Variants in CD109 observed in about 807,000 individuals in gnomAD.
The protein encoded by CD109 is CD109 antigen.
Under a neutral mutation model 165.8 loss-of-function variants are expected in CD109, and 149 were observed. The observed-to-expected ratio is 0.90, with a 90% CI of 0.79 to 1.03. CD109 has a LOEUF of 1.03. Among genes scored for constraint, CD109 ranks in the 50% least tolerant of loss-of-function variants. CD109 has a pLI of 0.00. For synonymous variants in CD109, 585 were observed against 592.1 expected (o/e 0.99, Z 0.18); for missense variants, 1,712 against 1,677.8 (o/e 1.02, Z -0.36).
At position 73,792,779 on chromosome 6, in the gene CD109, A is replaced by G. The variant is rs1775021453; in HGVS notation, c.2855A>G (p.Lys952Arg). ...KKQLTDNLKEKALSFMRQGYQ... is the reference protein window; with the variant it reads ...KKQLTDNLKERALSFMRQGYQ... The stretch of plus-strand genomic sequence containing the variant: ...CAACTGACAGATAATTTGAAAGAAA[A>G]AGCTCTTTCATTTATGAGGCAAGGT... Residue 952 changes from lysine to arginine, a missense_variant, in exon 23 of 33, where the codon AAA becomes AGA. Transcript: ENST00000287097. The G allele has an allele frequency of 6.2e-7, 1 of 1,609,486 alleles. No individual in the cohort carries two copies. The highest frequency in any genetic ancestry group is 1.3e-5 in the African/African-American group (1 of 74,666).
Position 73,810,097 on chromosome 6 carries a change from C to T in CD109, c.3469C>T (p.Gln1157Ter), listed in dbSNP as rs951236972. Residue 1157 changes from glutamine to a stop codon, truncating the protein, a stop_gained, in exon 27 of 33, where the codon CAG (glutamine) becomes TAG (stop). Coordinates refer to ENST00000287097, the MANE Select transcript of CD109 (RefSeq NM_133493.5). LOFTEE classifies it high-confidence loss of function. ...YALLSHFLQF[Q>*]TSEGIPIMRW... is the part of the protein sequence containing the mutation. ...ACTGCTCTCACACTTCTTACAATTT[C>T]AGACTTCTGAGGGAATCCCAATTAT... 1.9e-6 allele frequency: 3 copies of T among 1,610,448 alleles called. No homozygotes were observed. Among genetic ancestry groups the T allele is most frequent in the Admixed American group, 3.4e-5 (2 of 58,822 alleles).
At chr6:73,743,901 G>A (rs890287625) in intron 5 of CD109, among the ~76,000 whole-genome samples, 1 of 152,224 alleles carries the variant, frequency 6.6e-6, no homozygotes. Context: ...GGAGGGAGGA[G>A]ATGGTTTTAG....
Position 73,787,465 on chromosome 6 carries a change from T to C in CD109, c.2556+13T>C. 1 of 1,575,112 alleles carries C rather than the reference T, an allele frequency of 6.3e-7. No homozygotes were observed. Among genetic ancestry groups the C allele is most frequent in the Non-Finnish European group, 8.7e-7 (1 of 1,150,598 alleles). ...GATTTTAGTAAAGGTAAATATTTGA[T>C]GTCTGAAAGAAGTGAAATGGAAATA... On this transcript the variant is annotated intron_variant, in intron 21 of 32. Coordinates refer to ENST00000287097, the MANE Select transcript of CD109 (RefSeq NM_133493.5).
In CD109 at chr6:73,756,825, AT is replaced by A. The variant is rs559203174; in HGVS notation, c.673+151del. 1.6e-4 allele frequency: 81 copies of A among 499,728 alleles called. 2 individuals carry two copies. The South Asian group carries it at 2.3e-3, about 14-fold the overall frequency. The allele number at this position is 499,728 out of a possible 1,614,324, so 31.0% of individuals were successfully genotyped here. On this transcript the variant is annotated intron_variant, in intron 6 of 32. Transcript: ENST00000287097. ...TGGTGTTTTTTAAAGGCCTAACCATATTTTTTTTCCTTTGTAAAAATTCTAA... is the reference window on the plus strand; with the variant it reads ...TGGTGTTTTTTAAAGGCCTAACCATATTTTTTTCCTTTGTAAAAATTCTAA...
chr6:73,737,631 T>G, intron 5 of CD109, among the ~76,000 whole-genome samples: 1 of 152,202 alleles, frequency 6.6e-6, no homozygotes, highest in Middle Eastern at 3.2e-3. Context: ...ATAACCACTG[T>G]TATAAATGGC....
intron 3 of CD109, among the ~76,000 whole-genome samples, chr6:73,728,115 A>G (rs1209646046): frequency 1.3e-5 from 2 of 152,078 alleles, no homozygotes; most frequent in Admixed American, 1.3e-4. Context: ...GAGTTCAGGA[A>G]TTCGAAACCA....
intron 5 of CD109, among the ~76,000 whole-genome samples, chr6:73,738,155 GTCC>G (rs1562039214): frequency 6.6e-6 from 1 of 152,214 alleles, no homozygotes; most frequent in African/African-American, 2.4e-5. Context: ...AAGGTGTTCA[GTCC>G]AGCTTGGTGA....
intron 24 of CD109, among the ~76,000 whole-genome samples, chr6:73,805,567 C>A (rs1055084428): frequency 6.6e-6 from 1 of 152,204 alleles, no homozygotes; most frequent in African/African-American, 2.4e-5. Flanking sequence ...TCAGCACAGA[C>A]CCTTTACGGG....
chr6:73,736,243 A>G, intron 4 of CD109, 140 bp from the exon 5 acceptor site: 1 of 779,254 alleles, frequency 1.3e-6, no homozygotes, highest in South Asian at 2.0e-5. Flanking sequence ...ACATCCTGCC[A>G]TCCAGCCATA....
intron 20 of CD109, 130 bp from the exon 21 acceptor site, chr6:73,787,104 C>T (rs893938291): frequency 1.3e-5 from 8 of 622,366 alleles, no homozygotes; most frequent in Admixed American, 3.0e-5. Flanking sequence ...TCTCCTTGGT[C>T]GAATCTTTGT....
At chr6:73,687,457 T>C in the CD109 span, among the ~76,000 whole-genome samples, 8 of 144,984 alleles carry the variant, frequency 5.5e-5, no homozygotes, top group Non-Finnish European at 1.2e-4. Context: ...CCCCTCCCCT[T>C]CCCTACCCTC....
At chr6:73,787,610 T>C (rs1333086308) in intron 21 of CD109, among the ~76,000 whole-genome samples, 158 bp downstream of exon 21, 18 of 152,152 alleles carry the variant, frequency 1.2e-4, no homozygotes, top group Admixed American at 1.1e-3. Flanking sequence ...TATGTAAAAA[T>C]AAATCATTTA....
At chr6:73,765,009 GA>G (rs1201150626) in intron 10 of CD109, among the ~76,000 whole-genome samples, 2 of 152,158 alleles carry the variant, frequency 1.3e-5, no homozygotes, top group Admixed American at 6.5e-5. Context: ...TGGGCGTTCA[GA>G]GGGGGAGAGT....
At chr6:73,733,034 A>T (rs1772421186) in intron 4 of CD109, among the ~76,000 whole-genome samples, 1 of 152,282 alleles carries the variant, frequency 6.6e-6, no homozygotes, top group African/African-American at 2.4e-5. Flanking sequence ...TCAAATGTGG[A>T]CTTAGGTCTA....
At chr6:73,719,687 A>C (rs776287344) in intron 2 of CD109, among the ~76,000 whole-genome samples, 1 of 152,156 alleles carries the variant, frequency 6.6e-6, no homozygotes, top group Admixed American at 6.5e-5. Flanking sequence ...GGTATTCTCA[A>C]TTCCATCCCC....
intron 25 of CD109, among the ~76,000 whole-genome samples, chr6:73,807,530 TG>T (rs1350205999): frequency 6.6e-6 from 1 of 152,190 alleles, no homozygotes; most frequent in Non-Finnish European, 1.5e-5. Flanking sequence ...TGGGCATGGA[TG>T]CCTGGATGAG....
chr6:73,791,211 A>ATATATATATC (rs1774950585), intron 22 of CD109, among the ~76,000 whole-genome samples: 1 of 133,786 alleles, frequency 7.5e-6, no homozygotes, highest in Admixed American at 7.8e-5. Context: ...ATATATATAT[A>ATATATATATC]TATATATATA....
At chr6:73,744,244 A>G (rs534120976) in intron 5 of CD109, among the ~76,000 whole-genome samples, 2 of 152,244 alleles carry the variant, frequency 1.3e-5, no homozygotes, top group East Asian at 1.9e-4. Flanking sequence ...ATTAATTTTC[A>G]TATTTGTTCT....
chr6:73,752,573 T>C (rs1341942980), intron 5 of CD109, among the ~76,000 whole-genome samples: 1 of 152,190 alleles, frequency 6.6e-6, no homozygotes, highest in Non-Finnish European at 1.5e-5. Context: ...AGAAGTTGTT[T>C]AGAAAATCTA....
Sources: allele counts gnomAD v4.1 joint callset (sites outside exome capture counted in the v4.1 genomes callset), GRCh38; gene constraint gnomAD v4.1.1; transcripts MANE v1.5; gene names NCBI Gene and HGNC (gene_info 2026-07-23, HGNC 2026-07-21).